Variants in SPOCK1 observed in about 807,000 individuals in gnomAD.
SPOCK1 encodes the protein testican-1.
SPOCK1 carries 23 observed loss-of-function variants against 55.3 expected under a neutral mutation model. The observed-to-expected ratio is 0.42, with a 90% CI of 0.30 to 0.59. The LOEUF (loss-of-function observed/expected upper bound fraction) is 0.59, where lower values mean the gene tolerates loss of function less well. SPOCK1 is among the 20% of genes least tolerant of loss of function. SPOCK1 has a pLI of 0.22. For synonymous variants in SPOCK1, 226 were observed against 221.0 expected (o/e 1.02, Z -0.20); for missense variants, 499 against 552.5 (o/e 0.90, Z 0.97).
At chr5:137,026,346 T>G (rs145988821) in intron 6 of SPOCK1, among the ~76,000 whole-genome samples, 18 of 152,368 alleles carry the variant, frequency 1.2e-4, no homozygotes, top group African/African-American at 3.8e-4. Flanking sequence ...GAGATTAACA[T>G]TTAAGTCAGT....
At chr5:137,335,718 T>G (rs1038951803) in intron 2 of SPOCK1, among the ~76,000 whole-genome samples, 3 of 152,150 alleles carry the variant, frequency 2.0e-5, no homozygotes, top group Admixed American at 2.0e-4. Flanking sequence ...CCAGAAAGGG[T>G]CAGGCCTTGC....
chr5:137,470,737 A>T (rs892727909), intron 2 of SPOCK1, among the ~76,000 whole-genome samples: 1 of 152,182 alleles, frequency 6.6e-6, no homozygotes, highest in Non-Finnish European at 1.5e-5. Context: ...GATTTTGGTG[A>T]ATCACTGTTC....
chr5:137,254,595 T>C (rs539102320), intron 3 of SPOCK1, among the ~76,000 whole-genome samples: 2 of 152,362 alleles, frequency 1.3e-5, no homozygotes, highest in South Asian at 2.1e-4. Context: ...TGTAAATATG[T>C]ACGTATGTGT....
At chr5:137,271,349 A>C (rs1561489796) in intron 2 of SPOCK1, among the ~76,000 whole-genome samples, 1 of 149,602 alleles carries the variant, frequency 6.7e-6, no homozygotes, top group African/African-American at 2.4e-5. Flanking sequence ...TGAAAAAGAA[A>C]ATATGTTTTA....
At chr5:137,115,116 G>T (rs1458465590) in intron 4 of SPOCK1, among the ~76,000 whole-genome samples, 1 of 152,146 alleles carries the variant, frequency 6.6e-6, no homozygotes, top group African/African-American at 2.4e-5. Context: ...AGGTGAGGCT[G>T]ACTGGTGCCT....
intron 2 of SPOCK1, among the ~76,000 whole-genome samples, chr5:137,272,076 C>T (rs1256318408): frequency 6.6e-6 from 1 of 152,168 alleles, no homozygotes; most frequent in Non-Finnish European, 1.5e-5. Flanking sequence ...TGCAGATACA[C>T]ACAAAATGGA....
In SPOCK1 at chr5:137,177,695, G is replaced by A. The variant is rs1754883401; in HGVS notation, c.233-37001C>T. Among the ~76,000 whole-genome samples the A allele has an allele frequency of 3.9e-5, 6 of 152,092 alleles. No homozygotes were observed. In the South Asian group the frequency reaches 1.2e-3, roughly 32 times the overall value. Reference sequence around the variant, plus strand: ...AAAAGTATTCCTCCGCAAAAATGCTGTTGGACTCAAAGATAAGAAGAAGGG... The same window carrying A: ...AAAAGTATTCCTCCGCAAAAATGCTATTGGACTCAAAGATAAGAAGAAGGG... On this transcript the variant is annotated intron_variant, in intron 3 of 10. Coordinates refer to ENST00000394945, the MANE Select transcript of SPOCK1 (RefSeq NM_004598.4).
chr5:137,060,869 C>T (rs1752383697), intron 6 of SPOCK1, among the ~76,000 whole-genome samples: 1 of 152,180 alleles, frequency 6.6e-6, no homozygotes, highest in Non-Finnish European at 1.5e-5. Context: ...GAGTTGAACT[C>T]ACAGAAGAGG....
intron 2 of SPOCK1, among the ~76,000 whole-genome samples, chr5:137,366,841 A>C (rs1528959): frequency 6.6e-6 from 1 of 152,146 alleles, no homozygotes; most frequent in Non-Finnish European, 1.5e-5. Flanking sequence ...GAAAGAGAAC[A>C]GGGGATGGAT....
At chr5:137,062,447 T>C (rs1580730963) in intron 6 of SPOCK1, among the ~76,000 whole-genome samples, 1 of 151,806 alleles carries the variant, frequency 6.6e-6, no homozygotes, top group East Asian at 1.9e-4. Flanking sequence ...GGGTGGAGTA[T>C]GGGCTAGCTG....
In SPOCK1 at chr5:137,353,779, G is replaced by T. The variant is rs529142855; in HGVS notation, c.187-86724C>A. Among the ~76,000 whole-genome samples the T allele has an allele frequency of 1.8e-4, 28 of 152,244 alleles. No homozygotes were observed. In the South Asian group the frequency reaches 4.2e-3, roughly 23 times the overall value. On this transcript the variant is annotated intron_variant, in intron 2 of 10. Coordinates refer to ENST00000394945, the MANE Select transcript of SPOCK1 (RefSeq NM_004598.4). ...AACTCCTTCCTAGATGGGAGGTTCA[G>T]CAGGGGCAAGCCGAGGTGTCCCCTC...
At chr5:137,122,050 A>G (rs1561617191) in intron 4 of SPOCK1, among the ~76,000 whole-genome samples, 3 of 151,732 alleles carry the variant, frequency 2.0e-5, no homozygotes, top group Admixed American at 6.6e-5. Flanking sequence ...ATGAAGACTA[A>G]TAGGATGACG....
At chr5:137,339,620 CT>C (rs1421000111) in intron 2 of SPOCK1, among the ~76,000 whole-genome samples, 4 of 151,194 alleles carry the variant, frequency 2.6e-5, no homozygotes, top group South Asian at 2.1e-4. Flanking sequence ...CTTAAAGCTC[CT>C]TTTTTTTTCA....
intron 3 of SPOCK1, among the ~76,000 whole-genome samples, chr5:137,222,513 AAAG>A (rs1339015466): frequency 8.5e-5 from 13 of 152,228 alleles, no homozygotes; most frequent in African/African-American, 3.1e-4. Flanking sequence ...CAGACTCTTA[AAAG>A]AAGAGCACAG....
At chr5:137,391,154 T>C (rs1295519355) in intron 2 of SPOCK1, among the ~76,000 whole-genome samples, 1 of 152,172 alleles carries the variant, frequency 6.6e-6, no homozygotes, top group Non-Finnish European at 1.5e-5. Flanking sequence ...ACGCAGTGTC[T>C]GGTGTTTTGT....
At chr5:137,013,022 T>C (rs1471637214) in intron 6 of SPOCK1, among the ~76,000 whole-genome samples, 1 of 152,096 alleles carries the variant, frequency 6.6e-6, no homozygotes, top group Non-Finnish European at 1.5e-5. Context: ...TAACATGAAA[T>C]GAATAATGTG....
intron 2 of SPOCK1, among the ~76,000 whole-genome samples, chr5:137,388,169 C>T (rs1713843611): frequency 6.6e-6 from 1 of 151,944 alleles, no homozygotes; most frequent in Admixed American, 6.5e-5. Flanking sequence ...ATACAAAATC[C>T]AATCAACAGA....
intron 4 of SPOCK1, among the ~76,000 whole-genome samples, chr5:137,135,430 C>G (rs1394653851): frequency 6.6e-6 from 1 of 152,198 alleles, no homozygotes; most frequent in East Asian, 1.9e-4. Flanking sequence ...TCCCCCTGTC[C>G]CCTAAGAGAA....
At chr5:137,358,390 A>AAAGGAAGGAAGGAAGGAAGG (rs143349157) in intron 2 of SPOCK1, among the ~76,000 whole-genome samples, 3,723 of 116,394 alleles carry the variant, frequency 0.032, 104 homozygotes, top group South Asian at 0.039. Flanking sequence ...TTCATGACGG[A>AAAGGAAGGAAGGAAGGAAGG]AAGGAAGGAA....
Sources: allele counts gnomAD v4.1 joint callset (sites outside exome capture counted in the v4.1 genomes callset), GRCh38; gene constraint gnomAD v4.1.1; transcripts MANE v1.5; gene names NCBI Gene and HGNC (gene_info 2026-07-23, HGNC 2026-07-21).